Variants in PCDH9 observed in about 807,000 individuals in gnomAD.
The protein encoded by PCDH9 is protocadherin-9.
A neutral mutation model predicts 70.6 loss-of-function variants in PCDH9; 24 were observed. That is an observed-to-expected ratio of 0.34 (90% CI 0.25 to 0.48). PCDH9 has a LOEUF of 0.48. PCDH9 is among the 20% of genes least tolerant of loss of function. The pLI, the probability that PCDH9 is intolerant of heterozygous loss-of-function variation, is 0.99. For missense variants in PCDH9, 1,281 were observed against 1,503.6 expected, an observed-to-expected ratio of 0.85 and a Z score of 2.45; for synonymous variants, 562 against 558.5, an observed-to-expected ratio of 1.01 and a Z score of -0.09.
chr13:66,486,458 C>T (rs1048458297), intron 4 of PCDH9, among the ~76,000 whole-genome samples: 35 of 150,614 alleles, frequency 2.3e-4, no homozygotes, highest in Non-Finnish European at 4.0e-4. Context: ...CCCTGTCCCC[C>T]CCCCACAAAA....
rs182481126 is a variant in PCDH9 at position 67,101,301 on chromosome 13, G to A, written c.3036+124104C>T. On this transcript the variant is annotated intron_variant, in intron 2 of 4. Transcript: ENST00000377865. The stretch of plus-strand genomic sequence containing the variant: ...CACTGAAACATCATTCACTGAATGA[G>A]CTTCTGTGCAGCTGGAAAAAAAAGT... Among the ~76,000 whole-genome samples the A allele has an allele frequency of 7.2e-5, 11 of 152,282 alleles. 1 individual carries two copies. The highest frequency in any genetic ancestry group is 2.6e-4 in the Admixed American group (4 of 15,292).
chr13:66,412,706 C>T (rs934689837), intron 4 of PCDH9, among the ~76,000 whole-genome samples: 2 of 152,084 alleles, frequency 1.3e-5, no homozygotes, highest in Admixed American at 1.3e-4. Flanking sequence ...CTGTCCATAC[C>T]AATGCTAGTG....
chr13:66,762,619 C>T (rs1009195458), intron 3 of PCDH9, among the ~76,000 whole-genome samples: 1 of 151,968 alleles, frequency 6.6e-6, no homozygotes, highest in Non-Finnish European at 1.5e-5. Flanking sequence ...CAGCTGGTTT[C>T]CTTACCTCTT....
At position 66,740,860 on chromosome 13, in the gene PCDH9, AC is replaced by A. The variant is rs1257570806; in HGVS notation, c.3139-109450del. 9.4e-5 allele frequency among the ~76,000 whole-genome samples: 13 copies of A among 137,568 alleles called. No homozygotes were observed. The East Asian group carries it at 3.0e-3, about 32-fold the overall frequency. 90.2% of individuals were successfully genotyped at this position (137,568 alleles called of 152,430 possible). Reference sequence around the variant, plus strand: ...TGTGGCAATAATCAATAGTTTACCAACCAAAAAGAGTCCAGGACCAGATGGA... The same window carrying A: ...TGTGGCAATAATCAATAGTTTACCAACAAAAAGAGTCCAGGACCAGATGGA... On this transcript the variant is annotated intron_variant, in intron 3 of 4. Coordinates refer to ENST00000377865, the MANE Select transcript of PCDH9 (RefSeq NM_203487.3).
intron 2 of PCDH9, among the ~76,000 whole-genome samples, chr13:67,151,318 T>C (rs942127539): frequency 6.6e-6 from 1 of 152,178 alleles, no homozygotes; most frequent in Non-Finnish European, 1.5e-5. Flanking sequence ...AACGTTTGTA[T>C]CCCCCAATTT....
intron 2 of PCDH9, among the ~76,000 whole-genome samples, chr13:67,000,593 A>G (rs1374000336): frequency 6.6e-6 from 1 of 151,950 alleles, no homozygotes; most frequent in East Asian, 1.9e-4. Flanking sequence ...CGAAAAAAAG[A>G]AAAAAGTTTT....
intron 4 of PCDH9, among the ~76,000 whole-genome samples, chr13:66,572,871 T>C (rs1005859772): frequency 2.6e-5 from 4 of 152,108 alleles, no homozygotes; most frequent in Admixed American, 2.6e-4. Context: ...GAGATCCTCC[T>C]ACCTCAGACT....
chr13:66,422,166 T>C (rs1957579077), intron 4 of PCDH9, among the ~76,000 whole-genome samples: 1 of 152,164 alleles, frequency 6.6e-6, no homozygotes, highest in Admixed American at 6.5e-5. Flanking sequence ...AAGCAAGTTC[T>C]TAGAGACTTA....
At chr13:66,446,587 A>G (rs1187876895) in intron 4 of PCDH9, among the ~76,000 whole-genome samples, 1 of 152,068 alleles carries the variant, frequency 6.6e-6, no homozygotes, top group East Asian at 1.9e-4. Context: ...TGTGCTGTGG[A>G]TTAAAACACA....
chr13:67,025,976 T>G (rs2084772916), intron 2 of PCDH9, among the ~76,000 whole-genome samples: 1 of 152,164 alleles, frequency 6.6e-6, no homozygotes, highest in South Asian at 2.1e-4. Context: ...GTTATGCTCT[T>G]TTAAAAAATA....
At chr13:66,633,669 A>C (rs1399892203) in intron 3 of PCDH9, among the ~76,000 whole-genome samples, 2 of 152,176 alleles carry the variant, frequency 1.3e-5, no homozygotes, top group Non-Finnish European at 2.9e-5. Context: ...AGTAAAAAGA[A>C]GTCAAGTCTT....
chr13:67,181,251 T>C (rs1373922088), intron 2 of PCDH9, among the ~76,000 whole-genome samples: 1 of 152,232 alleles, frequency 6.6e-6, no homozygotes, highest in East Asian at 1.9e-4. Context: ...AAATCAAACT[T>C]GCATATAGTG....
chr13:66,570,293 G>T (rs547869242), intron 4 of PCDH9, among the ~76,000 whole-genome samples: 10 of 152,156 alleles, frequency 6.6e-5, no homozygotes, highest in Non-Finnish European at 1.3e-4. Flanking sequence ...ACAGGTATGT[G>T]TGATTATGAA....
chr13:66,521,612 T>A (rs2138610344), intron 4 of PCDH9, among the ~76,000 whole-genome samples: 1 of 152,258 alleles, frequency 6.6e-6, no homozygotes, highest in African/African-American at 2.4e-5. Context: ...AGGACACTGA[T>A]AACACCCGTG....
intron 2 of PCDH9, among the ~76,000 whole-genome samples, chr13:66,932,793 A>G (rs2082838360): frequency 6.6e-6 from 1 of 150,714 alleles, no homozygotes; most frequent in Admixed American, 6.6e-5. Context: ...CAAATTCAGA[A>G]TACAGTATCA....
intron 4 of PCDH9, among the ~76,000 whole-genome samples, chr13:66,457,405 G>C (rs1296891869): frequency 6.6e-6 from 1 of 151,980 alleles, no homozygotes; most frequent in Non-Finnish European, 1.5e-5. Flanking sequence ...TTGAATACAA[G>C]TAAATAGAGC....
intron 3 of PCDH9, among the ~76,000 whole-genome samples, chr13:66,776,462 A>C (rs1023539368): frequency 2.3e-4 from 35 of 151,142 alleles, no homozygotes; most frequent in African/African-American, 8.5e-4. Context: ...TACAAAAATC[A>C]CAAGCATTCT....
intron 2 of PCDH9, among the ~76,000 whole-genome samples, chr13:67,189,408 C>T (rs1278911338): frequency 2.0e-5 from 3 of 151,980 alleles, no homozygotes; most frequent in Non-Finnish European, 4.4e-5. Flanking sequence ...AACACAGACG[C>T]ATGTAACTAG....
At chr13:67,053,778 T>C (rs988833769) in intron 2 of PCDH9, among the ~76,000 whole-genome samples, 4 of 152,226 alleles carry the variant, frequency 2.6e-5, no homozygotes, top group African/African-American at 9.6e-5. Context: ...TCAGTATTTA[T>C]CCAGGCCCAT....
Sources: gnomAD v4.1 joint callset for allele counts (sites outside exome capture counted in the v4.1 genomes callset) on GRCh38, gnomAD v4.1.1 for gene constraint, MANE v1.5 for transcripts, NCBI Gene and HGNC (gene_info 2026-07-23, HGNC 2026-07-21) for gene names.